Variants in SMIM31 observed in about 807,000 individuals in gnomAD.
SMIM31 encodes the protein small integral membrane protein 31, also known as human epithelial cell program regulator.
intron 2 of SMIM31, among the ~76,000 whole-genome samples, chr4:164,773,070 C>G (rs1381695989): frequency 7.4e-6 from 1 of 135,184 alleles, no homozygotes; most frequent in Non-Finnish European, 1.6e-5. Flanking sequence ...ATATACTTCT[C>G]TTTCTTTCTG....
chr4:164,759,792 C>T (rs1227619276), intron 1 of SMIM31, among the ~76,000 whole-genome samples: 1 of 152,142 alleles, frequency 6.6e-6, no homozygotes, highest in Non-Finnish European at 1.5e-5. Context: ...AAATCCTCGC[C>T]CTCATGAAGC....
At chr4:164,778,364 T>G (rs1732904747) in intron 2 of SMIM31, among the ~76,000 whole-genome samples, 1 of 152,220 alleles carries the variant, frequency 6.6e-6, no homozygotes, top group Non-Finnish European at 1.5e-5. Context: ...CACCTCATTC[T>G]TCTCCAAAAT....
At chr4:164,775,420 T>C (rs1732869156) in intron 2 of SMIM31, among the ~76,000 whole-genome samples, 1 of 152,228 alleles carries the variant, frequency 6.6e-6, no homozygotes, top group Non-Finnish European at 1.5e-5. Context: ...GCCAGATAGA[T>C]AGAGCTAAAC....
intron 2 of SMIM31, among the ~76,000 whole-genome samples, chr4:164,786,202 G>A (rs1034133993): frequency 5.3e-5 from 8 of 152,198 alleles, no homozygotes; most frequent in African/African-American, 1.9e-4. Flanking sequence ...AAGGATGGAT[G>A]TTTGTTATAC....
intron 2 of SMIM31, among the ~76,000 whole-genome samples, chr4:164,776,814 A>T (rs1465159257): frequency 6.6e-6 from 1 of 152,194 alleles, no homozygotes; most frequent in East Asian, 1.9e-4. Flanking sequence ...ACATTTCATG[A>T]GCATTATACA....
intron 2 of SMIM31, among the ~76,000 whole-genome samples, chr4:164,773,641 G>C (rs1006794137): frequency 1.3e-5 from 2 of 152,142 alleles, no homozygotes; most frequent in East Asian, 3.9e-4. Context: ...CCCACAACAC[G>C]TGGGGATTAT....
chr4:164,774,099 G>A (rs1175665641), intron 2 of SMIM31, among the ~76,000 whole-genome samples: 1 of 151,110 alleles, frequency 6.6e-6, no homozygotes, highest in African/African-American at 2.4e-5. Flanking sequence ...CCGGGAGGTG[G>A]AGCATGCCGT....
At chr4:164,772,519 AGT>A (rs1343034770) in intron 2 of SMIM31, among the ~76,000 whole-genome samples, 4 of 152,190 alleles carry the variant, frequency 2.6e-5, no homozygotes, top group African/African-American at 4.8e-5. Context: ...CCATGAGATG[AGT>A]AATAATAACC....
At chr4:164,787,692 G>A (rs1348615266) in intron 2 of SMIM31, among the ~76,000 whole-genome samples, 6 of 151,144 alleles carry the variant, frequency 4.0e-5, no homozygotes, top group East Asian at 1.9e-4. Flanking sequence ...TTTTAATCCC[G>A]GCCTCCAAAT....
chr4:164,794,456 A>G (rs775463939), intron 2 of SMIM31, among the ~76,000 whole-genome samples: 3 of 152,142 alleles, frequency 2.0e-5, no homozygotes, highest in African/African-American at 7.2e-5. Flanking sequence ...CACAATCTTT[A>G]GTGTAAAAAA....
chr4:164,802,246 CAAAG>C lies in SMIM31; in HGVS notation c.*1054_*1057del, dbSNP rs1323512602. The C allele has an allele frequency of 6.6e-6, 1 of 152,142 alleles. No individual in the cohort carries two copies. Among genetic ancestry groups the C allele is most frequent in the African/African-American group, 2.4e-5 (1 of 41,324 alleles). 9.4% of individuals were successfully genotyped at this position (152,142 alleles called of 1,614,324 possible). On this transcript the variant is annotated 3_prime_UTR_variant, in exon 3 of 3. Coordinates refer to ENST00000507311, the MANE Select transcript of SMIM31 (RefSeq NM_001352885.1). ...AGACTCTGTCTCAAAAGAAAAAAAA[CAAAG>C]AGAGAGAGAGGGTCTCGCTTTGTCA... is the stretch of plus-strand genomic sequence containing the variant.
chr4:164,776,545 C>T (rs1000358156), intron 2 of SMIM31, among the ~76,000 whole-genome samples: 3 of 152,098 alleles, frequency 2.0e-5, no homozygotes, highest in Admixed American at 2.0e-4. Context: ...TTCTTCATCC[C>T]TGTGTGAAGC....
At chr4:164,779,442 A>ACCAAACTGAGATTAGTGG (rs1420612703) in intron 2 of SMIM31, among the ~76,000 whole-genome samples, 1 of 152,332 alleles carries the variant, frequency 6.6e-6, no homozygotes, top group East Asian at 1.9e-4. Context: ...TTAGCAAAAG[A>ACCAAACTGAGATTAGTGG]CCAAACTGAG....
chr4:164,790,964 T>A (rs1733092322), intron 2 of SMIM31, among the ~76,000 whole-genome samples: 1 of 152,230 alleles, frequency 6.6e-6, no homozygotes, highest in African/African-American at 2.4e-5. Context: ...TATTTGCAGA[T>A]CTGTGGAATC....
At chr4:164,765,243 A>G (rs1458823914) in intron 1 of SMIM31, among the ~76,000 whole-genome samples, 1 of 152,238 alleles carries the variant, frequency 6.6e-6, no homozygotes, top group East Asian at 1.9e-4. Context: ...GACATGTAGC[A>G]GGTTGAAATG....
In SMIM31 at chr4:164,785,283, G is replaced by GATTT. The variant is rs1733013522; in HGVS notation, c.112+14729_112+14732dup. The stretch of plus-strand genomic sequence containing the variant: ...TTGTAACATTTACTAAAAGAAGAAT[G>GATTT]ATTTCTTCATGACAAGAGCAATTAA... On this transcript the variant is annotated intron_variant, in intron 2 of 2. Coordinates refer to ENST00000507311, the MANE Select transcript of SMIM31 (RefSeq NM_001352885.1). Among the ~76,000 whole-genome samples the GATTT allele has an allele frequency of 2.0e-5, 3 of 152,092 alleles. No homozygotes were observed. In the South Asian group the frequency reaches 6.2e-4, roughly 32 times the overall value.
At chr4:164,798,943 C>T (rs367564598) in intron 2 of SMIM31, among the ~76,000 whole-genome samples, 1 of 152,134 alleles carries the variant, frequency 6.6e-6, no homozygotes, top group Non-Finnish European at 1.5e-5. Context: ...CCCTCTTGTT[C>T]CTGCTTTCAC....
Position 164,758,801 on chromosome 4 carries a change from A to ATTTTTTTTTTTTTTTTTTTT in SMIM31, c.-26+4411_-26+4430dup, listed in dbSNP as rs35632469. Among the ~76,000 whole-genome samples, 39 of 60,906 alleles carry ATTTTTTTTTTTTTTTTTTTT rather than the reference A, an allele frequency of 6.4e-4. 3 individuals are homozygous for ATTTTTTTTTTTTTTTTTTTT. The highest frequency in any genetic ancestry group is 1.2e-3 in the East Asian group (2 of 1,636). The allele number at this position is 60,906 out of a possible 152,430, so 40.0% of individuals were successfully genotyped here. Reference sequence around the variant, plus strand: ...GGCGCCCGCCACCACGCCCGGCCAAATTTTTTTTTTTTTTTTTTTTTTTTT... The same window carrying ATTTTTTTTTTTTTTTTTTTT: ...GGCGCCCGCCACCACGCCCGGCCAAATTTTTTTTTTTTTTTTTTTTTTTTTTTTTTTTTTTTTTTTTTTTT... On this transcript the variant is annotated intron_variant, in intron 1 of 2. Coordinates refer to ENST00000507311, the MANE Select transcript of SMIM31 (RefSeq NM_001352885.1).
intron 1 of SMIM31, among the ~76,000 whole-genome samples, chr4:164,762,004 G>A (rs1479473229): frequency 6.6e-6 from 1 of 152,078 alleles, no homozygotes; most frequent in South Asian, 2.1e-4. Flanking sequence ...CACTTCCAGA[G>A]CTCCTGCTAG....
Sources: gnomAD v4.1 joint callset for allele counts (sites outside exome capture counted in the v4.1 genomes callset) on GRCh38, gnomAD v4.1.1 for gene constraint, MANE v1.5 for transcripts, NCBI Gene and HGNC (gene_info 2026-07-23, HGNC 2026-07-21) for gene names.